Variants in GLE1 observed in about 807,000 individuals in gnomAD.
The protein encoded by GLE1 is GLE1 RNA export mediator.
Under a neutral mutation model 97.3 loss-of-function variants are expected in GLE1, and 78 were observed. The observed-to-expected ratio is 0.80, with a 90% CI of 0.67 to 0.97. The LOEUF (loss-of-function observed/expected upper bound fraction) is 0.97. GLE1 is among the 50% of genes least tolerant of loss of function. GLE1 has a pLI of 0.00. For missense variants in GLE1, 753 were observed against 857.5 expected, an observed-to-expected ratio of 0.88 and a Z score of 1.52; for synonymous variants, 302 against 313.4, an observed-to-expected ratio of 0.96 and a Z score of 0.39.
chr9:128,513,365 C>T (rs1219075686), intron 2 of GLE1, among the ~76,000 whole-genome samples: 1 of 152,006 alleles, frequency 6.6e-6, no homozygotes, highest in South Asian at 2.1e-4. Flanking sequence ...CTGGACTCAG[C>T]ATCTTCTTAG....
intron 3 of GLE1, 36 bp downstream of exon 3, chr9:128,515,675 T>C: frequency 8.9e-7 from 1 of 1,122,806 alleles, no homozygotes; most frequent in South Asian, 1.3e-5. Flanking sequence ...GCCTTGATCC[T>C]GCGAGCCACA....
At chr9:128,512,281 A>C (rs1017109600) in intron 2 of GLE1, among the ~76,000 whole-genome samples, 2 of 152,212 alleles carry the variant, frequency 1.3e-5, no homozygotes, top group African/African-American at 4.8e-5. Flanking sequence ...TGGTGTTTAC[A>C]TGAATCTACA....
intron 3 of GLE1, 23 bp from the exon 4 acceptor site, chr9:128,522,645 A>C: frequency 2.5e-6 from 4 of 1,597,046 alleles, no homozygotes; most frequent in South Asian, 2.2e-5. Context: ...TAAAAAAAAA[A>C]AAAAAAAAAA....
chr9:128,509,297 G>A (rs978506772), intron 2 of GLE1, among the ~76,000 whole-genome samples, 200 bp downstream of exon 2: 4 of 151,626 alleles, frequency 2.6e-5, no homozygotes, highest in African/African-American at 9.7e-5. Flanking sequence ...TCTATTCTTA[G>A]TACCGAGAAT....
intron 13 of GLE1, among the ~76,000 whole-genome samples, chr9:128,538,921 T>C (rs1166750173): frequency 6.6e-6 from 1 of 152,156 alleles, no homozygotes; most frequent in Non-Finnish European, 1.5e-5. Context: ...TCTGGAACCA[T>C]TTGATCTATA....
intron 1 of GLE1, among the ~76,000 whole-genome samples, chr9:128,508,193 A>AAC (rs1437358521): frequency 2.6e-5 from 4 of 151,360 alleles, no homozygotes; most frequent in Non-Finnish European, 4.4e-5. Context: ...AAAAAAAAAA[A>AAC]AAAAAGACCA....
At chr9:128,514,062 G>T (rs897519622) in intron 2 of GLE1, among the ~76,000 whole-genome samples, 13 of 151,248 alleles carry the variant, frequency 8.6e-5, no homozygotes, top group Non-Finnish European at 1.9e-4. Context: ...AATAGGCCAG[G>T]CATAGTGGCT....
Position 128,536,417 on chromosome 9 carries a change from T to A in GLE1, c.1709T>A (p.Met570Lys). 2 of 1,613,964 alleles carry A rather than the reference T, an allele frequency of 1.2e-6. No homozygotes were observed. Among genetic ancestry groups the A allele is most frequent in the Non-Finnish European group, 1.7e-6 (2 of 1,179,902 alleles). ...VEQQDNFLKR[M>K]SGMIRLYAAI... Reference sequence around the variant, plus strand: ...CAGCAAGACAACTTTCTAAAACGCATGTCAGGGATGATCCGTCTCTACGCT... The same window carrying A: ...CAGCAAGACAACTTTCTAAAACGCAAGTCAGGGATGATCCGTCTCTACGCT... The change falls in exon 12 of 16, where the codon ATG becomes AAG. Residue 570 changes from methionine (M) to lysine (K), a missense_variant. Coordinates refer to ENST00000309971, the MANE Select transcript of GLE1 (RefSeq NM_001003722.2).
At chr9:128,514,072 TCATGCCTG>T (rs1401924255) in intron 2 of GLE1, among the ~76,000 whole-genome samples, 1 of 150,666 alleles carries the variant, frequency 6.6e-6, no homozygotes, top group African/African-American at 2.4e-5. Context: ...GCATAGTGGC[TCATGCCTG>T]TAATTGTAGC....
chr9:128,515,710 A>G (rs539794294), intron 3 of GLE1, 71 bp downstream of exon 3: 56 of 795,426 alleles, frequency 7.0e-5, no homozygotes, highest in Admixed American at 5.1e-4. Context: ...CCCAGGGCGT[A>G]GGAATGGGCA....
intron 12 of GLE1, among the ~76,000 whole-genome samples, chr9:128,537,351 G>T (rs1028224829): frequency 3.3e-5 from 5 of 150,414 alleles, no homozygotes; most frequent in Admixed American, 1.3e-4. Flanking sequence ...TACTTGGGAG[G>T]CTGAGGCACG....
Position 128,523,330 on chromosome 9 carries a change from A to G in GLE1, c.632A>G (p.His211Arg), listed in dbSNP as rs377239106. Reference sequence around the variant, plus strand: ...GAGAAGCTAAAAGCTGAGCACCGTCACAGAGCAAAGGTCAGAGCCTGGCAG... The same window carrying G: ...GAGAAGCTAAAAGCTGAGCACCGTCGCAGAGCAAAGGTCAGAGCCTGGCAG... ...HQEKLKAEHR[H>R]RAKILNLKLR... Residue 211 changes from histidine to arginine, a missense_variant, in exon 5 of 16, where the codon CAC becomes CGC. Transcript: ENST00000309971. The G allele has an allele frequency of 5.0e-6, 8 of 1,613,054 alleles. No homozygotes were observed. In the African/African-American group the frequency reaches 5.3e-5, roughly 11 times the overall value.
chr9:128,539,244 A>G (rs748664175), intron 13 of GLE1, among the ~76,000 whole-genome samples: 32 of 152,110 alleles, frequency 2.1e-4, no homozygotes, highest in Non-Finnish European at 4.1e-4. Flanking sequence ...AAAAAAAAAT[A>G]AAAAGCTCCT....
chr9:128,516,554 C>T (rs764619302), intron 3 of GLE1, among the ~76,000 whole-genome samples: 27 of 150,066 alleles, frequency 1.8e-4, no homozygotes, highest in African/African-American at 3.9e-4. Flanking sequence ...CTTCTGACCT[C>T]GTGATCTGCC....
rs771305251 is a variant in GLE1, at chr9:128,508,968, A to T, written c.192A>T (p.Gln64His). ...TCCTACCCCATATGCAGGAGAACCA[A>T]CCTCTGTCTGAGACTTCGCCATCCT... is the stretch of plus-strand genomic sequence containing the variant. ...EHVLPHMQENQPLSETSPSST... is the reference protein window; with the variant it reads ...EHVLPHMQENHPLSETSPSST... The change falls in exon 2 of 16, where the codon CAA becomes CAT. Residue 64 changes from glutamine (Q) to histidine (H), a missense_variant. Physicochemically the swap from Gln to His is conservative, Grantham distance 24. Transcript: ENST00000309971. 1.9e-6 allele frequency: 3 copies of T among 1,611,610 alleles called. No individual in the cohort carries two copies. Among genetic ancestry groups the T allele is most frequent in the Non-Finnish European group, 2.5e-6 (3 of 1,177,866 alleles).
intron 2 of GLE1, among the ~76,000 whole-genome samples, chr9:128,514,446 T>G (rs1273367289): frequency 2.4e-5 from 3 of 126,696 alleles, no homozygotes; most frequent in African/African-American, 7.2e-5. Flanking sequence ...GATAGCAGAC[T>G]TTTTTTTTTT....
At chr9:128,531,831 C>CTAA (rs1847519415) in intron 9 of GLE1, among the ~76,000 whole-genome samples, 60 of 51,668 alleles carry the variant, frequency 1.2e-3, no homozygotes, top group African/African-American at 1.6e-3. Flanking sequence ...GACTCCAGCT[C>CTAA]AAAAAAAAAA....
At chr9:128,531,179 A>T (rs1847491415) in intron 9 of GLE1, among the ~76,000 whole-genome samples, 1 of 141,384 alleles carries the variant, frequency 7.1e-6, no homozygotes, top group South Asian at 2.2e-4. Flanking sequence ...ACGCCATTGC[A>T]CTCCAGTCTG....
At chr9:128,522,406 G>T (rs376866571) in intron 3 of GLE1, among the ~76,000 whole-genome samples, 1 of 152,036 alleles carries the variant, frequency 6.6e-6, no homozygotes, top group South Asian at 2.1e-4. Context: ...CCTGTAATCC[G>T]AGCACTTAGG....
Sources: allele counts gnomAD v4.1 joint callset (sites outside exome capture counted in the v4.1 genomes callset), GRCh38; gene constraint gnomAD v4.1.1; transcripts MANE v1.5; gene names NCBI Gene and HGNC (gene_info 2026-07-23, HGNC 2026-07-21).